Variants in ANKRD55 observed in about 807,000 individuals in gnomAD.
ANKRD55 encodes ankyrin repeat domain-containing protein 55.
In ANKRD55, 41 loss-of-function variants were observed where a neutral mutation model predicts 60.6. The ratio of observed to expected loss-of-function variants is 0.68; its 90% CI spans 0.53 to 0.88. The LOEUF (loss-of-function observed/expected upper bound fraction) is 0.88, where lower values mean the gene tolerates loss of function less well. Among genes scored for constraint, ANKRD55 ranks in the 40% least tolerant of loss-of-function variants. ANKRD55 has a pLI of 0.00. For missense variants in ANKRD55, 732 were observed against 767.6 expected, an observed-to-expected ratio of 0.95 and a Z score of 0.55; for synonymous variants, 264 against 290.3, an observed-to-expected ratio of 0.91 and a Z score of 0.92.
chr5:56,227,669 A>C (rs1437718793), intron 2 of ANKRD55, among the ~76,000 whole-genome samples: 2 of 151,814 alleles, frequency 1.3e-5, no homozygotes, highest in Admixed American at 1.3e-4. Flanking sequence ...GACATTCTGC[A>C]GTAGAAAGAA....
chr5:56,210,090 C>T (rs932716769), intron 2 of ANKRD55, among the ~76,000 whole-genome samples: 1 of 152,090 alleles, frequency 6.6e-6, no homozygotes, highest in African/African-American at 2.4e-5. Flanking sequence ...TCACTGCAGC[C>T]TCCGCCTCCC....
At chr5:56,195,121 A>C (rs1017281648) in intron 2 of ANKRD55, among the ~76,000 whole-genome samples, 1 of 152,210 alleles carries the variant, frequency 6.6e-6, no homozygotes, top group Non-Finnish European at 1.5e-5. Context: ...TAGCAATCTG[A>C]AGGTTGATGC....
At chr5:56,171,397 G>A (rs1758608841) in intron 4 of ANKRD55, among the ~76,000 whole-genome samples, 1 of 152,222 alleles carries the variant, frequency 6.6e-6, no homozygotes, top group East Asian at 1.9e-4. Context: ...GAAACCTGCT[G>A]TCTACAGTTG....
chr5:56,136,317 G>C (rs555181317), intron 7 of ANKRD55, among the ~76,000 whole-genome samples: 38 of 152,238 alleles, frequency 2.5e-4, no homozygotes, highest in African/African-American at 8.2e-4. Flanking sequence ...AGATAGTGGA[G>C]AACAAAGTTG....
chr5:56,194,199 C>T (rs1280617872), intron 2 of ANKRD55, among the ~76,000 whole-genome samples: 2 of 151,832 alleles, frequency 1.3e-5, no homozygotes, highest in Non-Finnish European at 2.9e-5. Context: ...ACCTGTAGTC[C>T]CAGCTACTTG....
intron 7 of ANKRD55, among the ~76,000 whole-genome samples, chr5:56,135,360 T>TTTCTTTC (rs1561264197): frequency 8.2e-5 from 10 of 122,644 alleles, no homozygotes; most frequent in Non-Finnish European, 1.6e-4. Flanking sequence ...TCTTTCTTTC[T>TTTCTTTC]TTCTTTCCTT....
At chr5:56,168,246 G>A (rs953836164) in intron 5 of ANKRD55, among the ~76,000 whole-genome samples, 4 of 152,154 alleles carry the variant, frequency 2.6e-5, no homozygotes, top group Admixed American at 6.5e-5. Flanking sequence ...CTGCGGTTTC[G>A]CTTTCCATTA....
chr5:56,141,138 T>TG (rs1554039036), intron 7 of ANKRD55, among the ~76,000 whole-genome samples: 3 of 149,360 alleles, frequency 2.0e-5, no homozygotes, highest in East Asian at 2.0e-4. Flanking sequence ...CAGTTTTTTT[T>TG]TTTTTTTTTT....
At chr5:56,174,100 G>A (rs539892308) in intron 4 of ANKRD55, among the ~76,000 whole-genome samples, 11 of 152,122 alleles carry the variant, frequency 7.2e-5, no homozygotes, top group Non-Finnish European at 1.3e-4. Flanking sequence ...TGGGGGCAGA[G>A]TTAAAAAGGT....
intron 2 of ANKRD55, among the ~76,000 whole-genome samples, chr5:56,222,261 C>A (rs1425619763): frequency 6.6e-6 from 1 of 152,168 alleles, no homozygotes; most frequent in Non-Finnish European, 1.5e-5. Context: ...CCAGCAAACA[C>A]CAACAGACCT....
At chr5:56,120,079 C>G (rs1756994694) in intron 8 of ANKRD55, among the ~76,000 whole-genome samples, 1 of 151,618 alleles carries the variant, frequency 6.6e-6, no homozygotes, top group African/African-American at 2.4e-5. Flanking sequence ...GCTCTGTTGC[C>G]AGGCTGGAGT....
chr5:56,226,114 G>A (rs1760104803), intron 2 of ANKRD55, among the ~76,000 whole-genome samples: 1 of 152,128 alleles, frequency 6.6e-6, no homozygotes, highest in Non-Finnish European at 1.5e-5. Context: ...AAACAGCATG[G>A]TACTGGTACC....
chr5:56,105,777 A>G (rs1440053627), intron 10 of ANKRD55, among the ~76,000 whole-genome samples: 1 of 152,236 alleles, frequency 6.6e-6, no homozygotes. Context: ...CAGAAGGATC[A>G]CAGGATCAGA....
At chr5:56,211,500 CTT>C (rs1759673113) in intron 2 of ANKRD55, among the ~76,000 whole-genome samples, 1 of 152,176 alleles carries the variant, frequency 6.6e-6, no homozygotes, top group East Asian at 1.9e-4. Flanking sequence ...CTTATCCAAA[CTT>C]GCACAGGTGG....
chr5:56,231,367 G>A (rs947992439), intron 2 of ANKRD55, among the ~76,000 whole-genome samples: 2 of 152,148 alleles, frequency 1.3e-5, no homozygotes, highest in Non-Finnish European at 2.9e-5. Flanking sequence ...GTACAGCACT[G>A]GAACATGTAA....
intron 2 of ANKRD55, among the ~76,000 whole-genome samples, chr5:56,230,150 C>T (rs566091947): frequency 1.3e-5 from 2 of 152,182 alleles, no homozygotes; most frequent in South Asian, 2.1e-4. Context: ...GGTTGGAGTG[C>T]AGTGGCCTGA....
chr5:56,146,317 C>A (rs1450975008), intron 6 of ANKRD55, among the ~76,000 whole-genome samples: 1 of 150,792 alleles, frequency 6.6e-6, no homozygotes, highest in Admixed American at 6.6e-5. Context: ...TGGAGTTTCG[C>A]TCTGTCGCCC....
intron 7 of ANKRD55, among the ~76,000 whole-genome samples, chr5:56,143,310 C>A (rs1757817239): frequency 6.6e-6 from 1 of 152,092 alleles, no homozygotes; most frequent in South Asian, 2.1e-4. Flanking sequence ...ATTTCTTGAG[C>A]CTATTCTGAT....
intron 10 of ANKRD55, among the ~76,000 whole-genome samples, chr5:56,109,676 C>G (rs547314547): frequency 6.6e-6 from 1 of 151,654 alleles, no homozygotes; most frequent in Non-Finnish European, 1.5e-5. Flanking sequence ...TTCTTTAGTG[C>G]GATAAATTTA....
Sources: gnomAD v4.1 joint callset for allele counts (sites outside exome capture counted in the v4.1 genomes callset) on GRCh38, gnomAD v4.1.1 for gene constraint, MANE v1.5 for transcripts, NCBI Gene and HGNC (gene_info 2026-07-23, HGNC 2026-07-21) for gene names.